ZBTB8A: variants seen among roughly 807,000 people sequenced by gnomAD.
The protein encoded by ZBTB8A is zinc finger and BTB domain-containing protein 8A.
Under a neutral mutation model 37.8 loss-of-function variants are expected in ZBTB8A, and 19 were observed. That is an observed-to-expected ratio of 0.50 (90% CI 0.35 to 0.74). The LOEUF (loss-of-function observed/expected upper bound fraction) is 0.74, where lower values mean the gene tolerates loss of function less well. Ranked by LOEUF, ZBTB8A falls within the 30% of genes least tolerant of loss-of-function variation. ZBTB8A has a pLI of 0.01. For synonymous variants in ZBTB8A, 181 were observed against 185.2 expected (o/e 0.98, Z 0.19); for missense variants, 394 against 537.8 (o/e 0.73, Z 2.65).
intron 2 of ZBTB8A, among the ~76,000 whole-genome samples, chr1:32,563,409 A>T (rs943697109): frequency 1.3e-5 from 2 of 152,104 alleles, no homozygotes; most frequent in Non-Finnish European, 2.9e-5. Context: ...CCCACCCTAC[A>T]GGATTTCTCT....
At chr1:32,569,487 G>A (rs1440656587) in intron 2 of ZBTB8A, among the ~76,000 whole-genome samples, 1 of 138,530 alleles carries the variant, frequency 7.2e-6, no homozygotes, top group Non-Finnish European at 1.5e-5. Context: ...TCTGCCTCCC[G>A]AGTTCACGCC....
intron 1 of ZBTB8A, among the ~76,000 whole-genome samples, chr1:32,550,852 G>C (rs1206200545): frequency 1.3e-5 from 2 of 150,616 alleles, no homozygotes; most frequent in African/African-American, 4.9e-5. Flanking sequence ...AGCTACTTGG[G>C]AGGCTGAGGC....
rs551603739 is a variant in ZBTB8A, at chr1:32,597,719, A to G, written c.994-2368A>G. On this transcript the variant is annotated intron_variant, in intron 4 of 4. Coordinates refer to ENST00000373510, the MANE Select transcript of ZBTB8A (RefSeq NM_001040441.3). ...TGTATCAGAGCTTGTAACAAAAACA[A>G]TACCACATTTGATACCCATAGTTTT... Among the ~76,000 whole-genome samples, 211 of 152,286 alleles carry G rather than the reference A, an allele frequency of 1.4e-3. 1 individual carries two copies. The highest frequency in any genetic ancestry group is 4.7e-3 in the African/African-American group (196 of 41,568).
At chr1:32,598,542 G>T (rs927848391) in intron 4 of ZBTB8A, among the ~76,000 whole-genome samples, 5 of 151,932 alleles carry the variant, frequency 3.3e-5, no homozygotes, top group Non-Finnish European at 7.4e-5. Flanking sequence ...CAGCTTCTTG[G>T]AGTTTTTTAC....
intron 2 of ZBTB8A, among the ~76,000 whole-genome samples, chr1:32,559,465 G>A (rs1313223175): frequency 6.7e-6 from 1 of 150,186 alleles, no homozygotes; most frequent in African/African-American, 2.4e-5. Context: ...GTATTTTTTT[G>A]TTTTGTTTTG....
chr1:32,544,443 A>T (rs1328360536), intron 1 of ZBTB8A, among the ~76,000 whole-genome samples: 1 of 152,370 alleles, frequency 6.6e-6, no homozygotes, highest in African/African-American at 2.4e-5. Flanking sequence ...CACGCCTGTA[A>T]TCCCAGCACT....
chr1:32,556,837 A>G (rs1644206717), intron 2 of ZBTB8A, among the ~76,000 whole-genome samples: 1 of 151,920 alleles, frequency 6.6e-6, no homozygotes, highest in Non-Finnish European at 1.5e-5. Context: ...AGATTGTGCC[A>G]TTGCACTTCA....
At chr1:32,550,365 A>G (rs1039280094) in intron 1 of ZBTB8A, among the ~76,000 whole-genome samples, 7 of 151,306 alleles carry the variant, frequency 4.6e-5, no homozygotes, top group South Asian at 2.1e-4. Context: ...TGTAATCCCA[A>G]CACTTTGGGA....
chr1:32,590,240 A>T (rs972831116), intron 2 of ZBTB8A, among the ~76,000 whole-genome samples: 5 of 151,920 alleles, frequency 3.3e-5, no homozygotes, highest in African/African-American at 9.7e-5. Flanking sequence ...TGCCCATGTT[A>T]ATTTTTCAGG....
chr1:32,593,748 T>C lies in ZBTB8A; in HGVS notation c.817T>C (p.Phe273Leu). Residue 273 changes from phenylalanine to leucine, a missense_variant, in exon 3 of 5, where the codon TTT (phenylalanine) becomes CTT (leucine). Coordinates refer to ENST00000373510, the MANE Select transcript of ZBTB8A (RefSeq NM_001040441.3). The stretch of plus-strand genomic sequence containing the variant: ...AGGATCTGATGTCACATCCAAAAGC[T>C]TTCCAGGTACCCAAAAAGAGCATAA... ...GQGSDVTSKS[F>L]PDDLPRMRFK... 1.9e-6 allele frequency: 3 copies of C among 1,606,722 alleles called. No individual in the cohort carries two copies. Among genetic ancestry groups the C allele is most frequent in the Non-Finnish European group, 2.5e-6 (3 of 1,176,596 alleles).
rs773360886 is a variant in ZBTB8A at position 32,595,238 on chromosome 1, T to G, written c.993+15T>G. ...ATTTTCGAACAGTATGTATGATTTTTTTTCATCGTTTTACTAATTCTTTTT... is the reference window on the plus strand; with the variant it reads ...ATTTTCGAACAGTATGTATGATTTTGTTTCATCGTTTTACTAATTCTTTTT... On this transcript the variant is annotated intron_variant, in intron 4 of 4. Coordinates refer to ENST00000373510, the MANE Select transcript of ZBTB8A (RefSeq NM_001040441.3). 1.7e-5 allele frequency: 27 copies of G among 1,598,090 alleles called. No individual in the cohort carries two copies. The East Asian group carries it at 6.0e-4, about 36-fold the overall frequency.
intron 2 of ZBTB8A, among the ~76,000 whole-genome samples, chr1:32,580,798 G>A (rs553478470): frequency 2.0e-5 from 3 of 151,986 alleles, no homozygotes; most frequent in African/African-American, 7.2e-5. Context: ...TTGGCTCACA[G>A]ATCTCATGCC....
At chr1:32,565,600 G>A (rs1048276838) in intron 2 of ZBTB8A, among the ~76,000 whole-genome samples, 1 of 152,146 alleles carries the variant, frequency 6.6e-6, no homozygotes, top group Admixed American at 6.6e-5. Context: ...GCTGCAGTAA[G>A]CTGTGATCAC....
intron 2 of ZBTB8A, among the ~76,000 whole-genome samples, chr1:32,585,027 C>CTT (rs1163697499): frequency 4.7e-3 from 499 of 105,528 alleles, no homozygotes; most frequent in Non-Finnish European, 5.7e-3. Context: ...TTTCAGATTT[C>CTT]TTTTTTTTTT....
chr1:32,598,729 C>T (rs1253262218), intron 4 of ZBTB8A, among the ~76,000 whole-genome samples: 1 of 151,918 alleles, frequency 6.6e-6, no homozygotes, highest in Non-Finnish European at 1.5e-5. Context: ...GTAATTATTC[C>T]TCACTACAAC....
Position 32,548,260 on chromosome 1 carries a change from C to T in ZBTB8A, c.-83-5199C>T, listed in dbSNP as rs567604104. On this transcript the variant is annotated intron_variant, in intron 1 of 4. Transcript: ENST00000373510. ...TGTAGTTTTGAAATGATCGCTCTCA[C>T]TCTCTCTAGGTACATGAATATGATG... 1.0e-3 allele frequency among the ~76,000 whole-genome samples: 154 copies of T among 151,694 alleles called. 2 individuals carry two copies. Among genetic ancestry groups the T allele is most frequent in the African/African-American group, 3.5e-3 (145 of 41,368 alleles).
At position 32,601,113 on chromosome 1, in the gene ZBTB8A, G is replaced by A. The variant is rs1644572327; in HGVS notation, c.*694G>A. Reference sequence around the variant, plus strand: ...ATATACAGATATTTTCTTAAAGCAGGAAACTAATGTTGCCTAAAAGTCAAG... The same window carrying A: ...ATATACAGATATTTTCTTAAAGCAGAAAACTAATGTTGCCTAAAAGTCAAG... On this transcript the variant is annotated 3_prime_UTR_variant, in exon 5 of 5. Transcript: ENST00000373510. 2.0e-5 allele frequency: 3 copies of A among 151,438 alleles called. No individual in the cohort carries two copies. In the South Asian group the frequency reaches 6.2e-4, roughly 31 times the overall value. 9.4% of individuals were successfully genotyped at this position (151,438 alleles called of 1,614,324 possible). A position where few individuals can be genotyped will look rare whatever the true frequency, so the allele number is the denominator to read the frequency against.
chr1:32,556,838 T>C (rs946554305), intron 2 of ZBTB8A, among the ~76,000 whole-genome samples: 2 of 151,674 alleles, frequency 1.3e-5, no homozygotes, highest in Admixed American at 6.6e-5. Flanking sequence ...GATTGTGCCA[T>C]TGCACTTCAG....
intron 2 of ZBTB8A, among the ~76,000 whole-genome samples, chr1:32,583,637 A>G (rs957434002): frequency 2.0e-5 from 3 of 152,120 alleles, no homozygotes; most frequent in Non-Finnish European, 4.4e-5. Flanking sequence ...AAGGCCATTG[A>G]AGATGTAATT....
Sources: allele counts gnomAD v4.1 joint callset (sites outside exome capture counted in the v4.1 genomes callset), GRCh38; gene constraint gnomAD v4.1.1; transcripts MANE v1.5; gene names NCBI Gene and HGNC (gene_info 2026-07-23, HGNC 2026-07-21).